DYSF: variants seen among roughly 807,000 people sequenced by gnomAD.
DYSF encodes dystrophy-associated fer-1-like 1.
Under a neutral mutation model 274.9 loss-of-function variants are expected in DYSF, and 212 were observed. That is an observed-to-expected ratio of 0.77 (90% CI 0.69 to 0.86). DYSF has a LOEUF of 0.86. Among genes scored for constraint, DYSF ranks in the 40% least tolerant of loss-of-function variants. DYSF has a pLI of 0.00. For synonymous variants in DYSF, 1,091 were observed against 1,078.7 expected, an observed-to-expected ratio of 1.01 and a Z score of -0.22; for missense variants, 2,666 against 2,783.2, an observed-to-expected ratio of 0.96 and a Z score of 0.95.
At position 71,481,722 on chromosome 2, in the gene DYSF, C is replaced by CCATCCATCCATCCATT. The variant is rs1553508732; in HGVS notation, c.148-150_148-149insCCATCCATTCATCCAT. On this transcript the variant is annotated intron_variant, in intron 2 of 55. Transcript: ENST00000410020. ...TCCATCCATCCATCCATCCATCCAT[C>CCATCCATCCATCCATT]CATCCATGCTTCCATCCATCCATTG... Among the ~76,000 whole-genome samples, 10,487 of 151,804 alleles carry CCATCCATCCATCCATT rather than the reference C, an allele frequency of 0.069. 550 individuals are homozygous for CCATCCATCCATCCATT. The highest frequency in any genetic ancestry group is 0.15 in the Admixed American group (2,267 of 15,246).
At chr2:71,606,252 G>C (rs573654225) in intron 36 of DYSF, among the ~76,000 whole-genome samples, 15 of 152,196 alleles carry the variant, frequency 9.9e-5, no homozygotes, top group African/African-American at 3.6e-4. Flanking sequence ...TGTTCTTGGG[G>C]TCTTCTTGGT....
chr2:71,661,832 G>T (rs1241545014), intron 45 of DYSF, among the ~76,000 whole-genome samples: 1 of 152,208 alleles, frequency 6.6e-6, no homozygotes, highest in Non-Finnish European at 1.5e-5. Context: ...TCTCCTTGGG[G>T]AAATGCAGCT....
At chr2:71,561,715 G>A (rs1179096061) in intron 22 of DYSF, 37 bp from the exon 23 acceptor site, 8 of 1,613,088 alleles carry the variant, frequency 5.0e-6, no homozygotes, top group Non-Finnish European at 6.8e-6. Flanking sequence ...AGAGCCCTGG[G>A]CTCATCAGGC....
rs539860903 is a variant in DYSF, at chr2:71,570,465, A to G, written c.3085+131A>G. Reference sequence around the variant, plus strand: ...GGGACGCTTCTTGAAGGCACCCCCCACTCCAAGCTGCAAATTAGGACCGAG... The same window carrying G: ...GGGACGCTTCTTGAAGGCACCCCCCGCTCCAAGCTGCAAATTAGGACCGAG... On this transcript the variant is annotated intron_variant, in intron 28 of 55. Coordinates refer to ENST00000410020, the MANE Select transcript of DYSF (RefSeq NM_001130987.2). The G allele has an allele frequency of 2.8e-6, 4 of 1,431,262 alleles. No homozygotes were observed. In the South Asian group the frequency reaches 4.8e-5, roughly 17 times the overall value. 88.7% of individuals were successfully genotyped at this position (1,431,262 alleles called of 1,614,324 possible). A position where few individuals can be genotyped will look rare whatever the true frequency, so the allele number is the denominator to read the frequency against.
chr2:71,472,951 C>A (rs78574438), intron 1 of DYSF, among the ~76,000 whole-genome samples: 14,340 of 152,198 alleles, frequency 0.094, 1,101 homozygotes, highest in East Asian at 0.43. Flanking sequence ...TAAATATCTT[C>A]CCCAGTTCTA....
At chr2:71,617,911 GGT>G (rs1295834399) in intron 40 of DYSF, among the ~76,000 whole-genome samples, 19 of 80,614 alleles carry the variant, frequency 2.4e-4, no homozygotes, top group African/African-American at 4.7e-4. Context: ...TTGTGGTAGA[GGT>G]GTGTGTGTGT....
chr2:71,478,212 ATT>A (rs61626723), intron 1 of DYSF, among the ~76,000 whole-genome samples: 43 of 140,856 alleles, frequency 3.1e-4, no homozygotes, highest in Admixed American at 5.0e-4. Context: ...ATCCTCAATA[ATT>A]TTTTTTTTTT....
intron 3 of DYSF, among the ~76,000 whole-genome samples, chr2:71,497,846 G>A (rs886822334): frequency 6.6e-6 from 1 of 152,174 alleles, no homozygotes; most frequent in Admixed American, 6.5e-5. Flanking sequence ...ACATGTGAGC[G>A]TGCATTCTTC....
intron 47 of DYSF, among the ~76,000 whole-genome samples, chr2:71,666,442 G>A (rs1031079284): frequency 3.9e-5 from 6 of 152,240 alleles, no homozygotes; most frequent in Non-Finnish European, 8.8e-5. Context: ...AATGGGCAGG[G>A]CAGGTCTGAT....
chr2:71,631,593 A>G (rs1558674162), intron 41 of DYSF, among the ~76,000 whole-genome samples: 1 of 152,158 alleles, frequency 6.6e-6, no homozygotes, highest in East Asian at 1.9e-4. Flanking sequence ...CGCCCATCAA[A>G]TGACAAGTGA....
At position 71,568,030 on chromosome 2, in the gene DYSF, A is replaced by C; in HGVS notation, c.2645A>C (p.Glu882Ala). The change falls in exon 25 of 56, where the codon GAG (glutamate) becomes GCG (alanine). Residue 882 changes from glutamate (E) to alanine (A), a missense_variant. By Grantham distance (107) the Glu-to-Ala change is moderately radical (BLOSUM62 -1). Around this residue, in one of 3 missense-constraint regions of DYSF, gnomAD observed 412 missense variants for 504.0 expected, o/e 0.82. Transcript: ENST00000410020. ...VKLWFGLSVD[E>A]KEFNQFAEGK... is the part of the protein sequence containing the mutation. ...CTGTGGTTTGGGCTCTCAGTGGATG[A>C]GAAGGAGTTCAACCAGTTTGCTGAG... The C allele has an allele frequency of 6.2e-7, 1 of 1,614,150 alleles. No homozygotes were observed. Among genetic ancestry groups the C allele is most frequent in the South Asian group, 1.1e-5 (1 of 91,082 alleles).
intron 30 of DYSF, among the ~76,000 whole-genome samples, chr2:71,584,129 G>T (rs942431393): frequency 6.7e-6 from 1 of 150,288 alleles, no homozygotes; most frequent in Non-Finnish European, 1.5e-5. Context: ...GTGACTGTGG[G>T]AAACCCAATG....
At chr2:71,553,753 T>TTCCCCCCCCCC in intron 20 of DYSF, 54 bp from the exon 21 acceptor site, 53 of 567,384 alleles carry the variant, frequency 9.3e-5, no homozygotes, top group South Asian at 1.9e-4. Flanking sequence ...TAGCACCCCA[T>TTCCCCCCCCCC]CCCACCCGCC....
chr2:71,503,119 A>G, intron 3 of DYSF, 95 bp from the exon 4 acceptor site: 1 of 1,137,256 alleles, frequency 8.8e-7, no homozygotes. Flanking sequence ...GTCTAGGCAG[A>G]CCAGCCTCAT....
intron 4 of DYSF, among the ~76,000 whole-genome samples, chr2:71,505,094 G>A (rs915808275): frequency 3.3e-5 from 5 of 152,244 alleles, no homozygotes; most frequent in South Asian, 4.1e-4. Flanking sequence ...GAGTTGGGGA[G>A]CCTCCTCCCT....
At chr2:71,503,090 G>T (rs528309204) in intron 3 of DYSF, 124 bp from the exon 4 acceptor site, 3 of 858,212 alleles carry the variant, frequency 3.5e-6, no homozygotes, top group African/African-American at 3.3e-5. Flanking sequence ...GCCCTCGTGG[G>T]GTGCTGGGTG....
At chr2:71,660,034 G>A (rs528710192) in intron 44 of DYSF, among the ~76,000 whole-genome samples, 1 of 152,238 alleles carries the variant, frequency 6.6e-6, no homozygotes, top group East Asian at 1.9e-4. Context: ...GTCATGGCCA[G>A]TGGGTTGGTT....
At chr2:71,528,975 A>G (rs1267801607) in intron 14 of DYSF, among the ~76,000 whole-genome samples, 4 of 150,930 alleles carry the variant, frequency 2.7e-5, no homozygotes, top group African/African-American at 9.8e-5. Context: ...CTTTCCTGGC[A>G]GCCCCAGCCC....
At chr2:71,515,311 G>T (rs532023699) in intron 7 of DYSF, among the ~76,000 whole-genome samples, 2 of 152,274 alleles carry the variant, frequency 1.3e-5, no homozygotes, top group East Asian at 3.9e-4. Flanking sequence ...ATGGGGTCTC[G>T]GGTGGGGCTT....
Sources: gnomAD v4.1 joint callset for allele counts (sites outside exome capture counted in the v4.1 genomes callset) on GRCh38, gnomAD v4.1.1 for gene constraint, gnomAD v4.1.1 regional missense constraint, MANE v1.5 for transcripts, NCBI Gene and HGNC (gene_info 2026-07-23, HGNC 2026-07-21) for gene names.